Variants in TGFBR3 observed in about 807,000 individuals in gnomAD.
TGFBR3 encodes transforming growth factor beta receptor 3.
A neutral mutation model predicts 87.9 loss-of-function variants in TGFBR3; 46 were observed. The observed-to-expected ratio is 0.52, with a 90% CI of 0.41 to 0.67. TGFBR3 has a LOEUF of 0.67. Ranked by LOEUF, TGFBR3 falls within the 30% of genes least tolerant of loss-of-function variation. The probability of loss-of-function intolerance (pLI) is 0.00; values close to 1 mark genes in which losing one functional copy is unlikely to be tolerated. For missense variants in TGFBR3, 866 were observed against 1,041.9 expected (o/e 0.83, Z 2.32); for synonymous variants, 381 against 391.6 (o/e 0.97, Z 0.32).
chr1:91,866,468 G>A (rs150962259), intron 1 of TGFBR3, among the ~76,000 whole-genome samples: 1 of 152,156 alleles, frequency 6.6e-6, no homozygotes, highest in African/African-American at 2.4e-5. Flanking sequence ...TATATGCCAG[G>A]CACTGTTCAA....
chr1:91,794,115 C>T (rs1000854907), intron 3 of TGFBR3, among the ~76,000 whole-genome samples: 1 of 152,086 alleles, frequency 6.6e-6, no homozygotes, highest in Non-Finnish European at 1.5e-5. Flanking sequence ...ATAAAATTCA[C>T]CCACTTAAAT....
At chr1:91,864,933 T>C (rs1179861634) in intron 1 of TGFBR3, among the ~76,000 whole-genome samples, 1 of 152,146 alleles carries the variant, frequency 6.6e-6, no homozygotes, top group Non-Finnish European at 1.5e-5. Context: ...CTGGGCACAG[T>C]GGCTCATGCC....
chr1:91,707,354 G>T (rs1671831305), intron 14 of TGFBR3, among the ~76,000 whole-genome samples: 1 of 152,220 alleles, frequency 6.6e-6, no homozygotes, highest in African/African-American at 2.4e-5. Flanking sequence ...TACACAATTG[G>T]AATGGCACAG....
chr1:91,757,812 C>T (rs548110222), intron 4 of TGFBR3, among the ~76,000 whole-genome samples: 162 of 152,278 alleles, frequency 1.1e-3, no homozygotes, highest in Middle Eastern at 3.4e-3. Flanking sequence ...ATTCATGAGG[C>T]AAGAGGAAAA....
chr1:91,692,841 T>G (rs1283197272), intron 16 of TGFBR3, among the ~76,000 whole-genome samples: 3 of 152,244 alleles, frequency 2.0e-5, no homozygotes, highest in Non-Finnish European at 4.4e-5. Flanking sequence ...AATTTGTGAC[T>G]TGGTTTTGTG....
intron 2 of TGFBR3, among the ~76,000 whole-genome samples, chr1:91,835,827 C>CAAAAAAAAAAAAAAAAAAAAAAAAAA (rs57326419): frequency 1.3e-5 from 1 of 74,746 alleles, no homozygotes. Flanking sequence ...GACTCCACCT[C>CAAAAAAAAAAAAAAAAAAAAAAAAAA]AAAAAAAAAA....
At position 91,833,376 on chromosome 1, in the gene TGFBR3, A is replaced by T. The variant is rs571950304; in HGVS notation, c.61+28095T>A. Among the ~76,000 whole-genome samples the T allele has an allele frequency of 3.8e-4, 51 of 133,114 alleles. 1 individual carries two copies. The South Asian group carries it at 7.2e-3, about 19-fold the overall frequency. The allele number at this position is 133,114 out of a possible 152,430, so 87.3% of individuals were successfully genotyped here. A position where few individuals can be genotyped will look rare whatever the true frequency, so the allele number is the denominator to read the frequency against. ...CTAGGGAGACTGAGGCAGAAGAATC[A>T]CTTGAACCCAGGAGGCGGAGGTTGC... On this transcript the variant is annotated intron_variant, in intron 2 of 16. Coordinates refer to ENST00000212355, the MANE Select transcript of TGFBR3 (RefSeq NM_003243.5).
chr1:91,861,731 G>C, intron 1 of TGFBR3, 87 bp from the exon 2 acceptor site: 1 of 622,554 alleles, frequency 1.6e-6, no homozygotes, highest in East Asian at 3.0e-5. Flanking sequence ...TTTCTGAAAA[G>C]CGTAATGTAA....
At chr1:91,701,558 C>A (rs1364315457) in intron 14 of TGFBR3, among the ~76,000 whole-genome samples, 1 of 152,152 alleles carries the variant, frequency 6.6e-6, no homozygotes, top group Non-Finnish European at 1.5e-5. Context: ...TGAATTAAAT[C>A]TTTTCATATA....
At chr1:91,755,674 A>G (rs1038560575) in intron 4 of TGFBR3, among the ~76,000 whole-genome samples, 2 of 152,204 alleles carry the variant, frequency 1.3e-5, no homozygotes, top group African/African-American at 2.4e-5. Context: ...TAAACTGATG[A>G]CCAAGAAGCA....
intron 2 of TGFBR3, among the ~76,000 whole-genome samples, chr1:91,848,863 A>C (rs919850492): frequency 6.6e-6 from 1 of 152,182 alleles, no homozygotes. Flanking sequence ...TTTTTCAAGG[A>C]CATTCATTCA....
At chr1:91,713,297 A>G (rs997701778) in intron 12 of TGFBR3, among the ~76,000 whole-genome samples, 14 of 152,332 alleles carry the variant, frequency 9.2e-5, no homozygotes, top group African/African-American at 3.4e-4. Context: ...GCTACGTCCA[A>G]ATTTTGTTAA....
rs778737112 is a variant in TGFBR3, at chr1:91,682,341, A to G, written c.*1398T>C. On this transcript the variant is annotated 3_prime_UTR_variant, in exon 17 of 17. Coordinates refer to ENST00000212355, the MANE Select transcript of TGFBR3 (RefSeq NM_003243.5). The stretch of plus-strand genomic sequence containing the variant: ...TTGGGGGAAATTCTGGAAAAAGAAT[A>G]ATTTGCAATGAAGCTATCTTCAGCA... The G allele has an allele frequency of 1.5e-5, 7 of 453,054 alleles. No individual in the cohort carries two copies. The highest frequency in any genetic ancestry group is 3.1e-5 in the Non-Finnish European group (7 of 226,708). 28.1% of individuals were successfully genotyped at this position (453,054 alleles called of 1,614,324 possible).
At chr1:91,738,265 T>C (rs993520901) in intron 4 of TGFBR3, among the ~76,000 whole-genome samples, 2 of 152,218 alleles carry the variant, frequency 1.3e-5, no homozygotes, top group Admixed American at 6.5e-5. Flanking sequence ...CACATTAGCT[T>C]TGGCATCAGC....
At chr1:91,695,893 G>A (rs1671421792) in intron 15 of TGFBR3, 114 bp from the exon 16 acceptor site, 1 of 890,434 alleles carries the variant, frequency 1.1e-6, no homozygotes, top group Non-Finnish European at 1.9e-6. Context: ...AATAAAATCG[G>A]AGAATGCAAT....
At chr1:91,781,411 C>T (rs1422896676) in intron 3 of TGFBR3, among the ~76,000 whole-genome samples, 1 of 152,174 alleles carries the variant, frequency 6.6e-6, no homozygotes, top group Non-Finnish European at 1.5e-5. Flanking sequence ...TGAGTACTGC[C>T]TACAAGGAAC....
chr1:91,885,273 C>T (rs1011039749), intron 1 of TGFBR3, among the ~76,000 whole-genome samples: 3 of 150,312 alleles, frequency 2.0e-5, no homozygotes, highest in African/African-American at 7.4e-5. Flanking sequence ...ATCAAGTCTG[C>T]AAGCAGATTC....
At chr1:91,685,413 C>G (rs754463100) in intron 16 of TGFBR3, among the ~76,000 whole-genome samples, 21 of 151,430 alleles carry the variant, frequency 1.4e-4, no homozygotes, top group African/African-American at 3.4e-4. Flanking sequence ...ACCTCCACCC[C>G]CCGGGTTCAA....
chr1:91,817,270 A>G (rs1676266936), intron 2 of TGFBR3, among the ~76,000 whole-genome samples: 1 of 152,206 alleles, frequency 6.6e-6, no homozygotes, highest in South Asian at 2.1e-4. Context: ...AACGGCATGG[A>G]AACTGTTTTC....
Sources: gnomAD v4.1 joint callset for allele counts (sites outside exome capture counted in the v4.1 genomes callset) on GRCh38, gnomAD v4.1.1 for gene constraint, MANE v1.5 for transcripts, NCBI Gene and HGNC (gene_info 2026-07-23, HGNC 2026-07-21) for gene names.